Variants in CNTLN observed in about 807,000 individuals in gnomAD.
CNTLN encodes centlein, centrosomal protein.
Under a neutral mutation model 180.0 loss-of-function variants are expected in CNTLN, and 212 were observed. The observed-to-expected ratio is 1.18, with a 90% CI of 1.05 to 1.32. The LOEUF (loss-of-function observed/expected upper bound fraction) is 1.32. Ranked by LOEUF, CNTLN falls within the 40% of genes most tolerant of loss-of-function variation. CNTLN has a pLI of 0.00. For missense variants in CNTLN, 2,095 were observed against 1,610.9 expected, an observed-to-expected ratio of 1.30 and a Z score of -5.14; for synonymous variants, 722 against 563.1, an observed-to-expected ratio of 1.28 and a Z score of -3.99.
chr9:17,225,115 C>T (rs1051010451), intron 2 of CNTLN, among the ~76,000 whole-genome samples: 2 of 151,892 alleles, frequency 1.3e-5, no homozygotes, highest in African/African-American at 4.8e-5. Context: ...TGTTTTGGCT[C>T]AACTCTTGAT....
chr9:17,495,765 C>A (rs1833419460), intron 25 of CNTLN, among the ~76,000 whole-genome samples: 1 of 152,172 alleles, frequency 6.6e-6, no homozygotes, highest in African/African-American at 2.4e-5. Context: ...AGAGCAACTT[C>A]CAGTCCCACA....
intron 13 of CNTLN, among the ~76,000 whole-genome samples, chr9:17,387,253 AG>A (rs1439133583): frequency 6.6e-6 from 1 of 152,164 alleles, no homozygotes; most frequent in Admixed American, 6.5e-5. Flanking sequence ...ACAGCAGCCA[AG>A]CATACTTTAA....
At chr9:17,456,132 C>T (rs147120505) in intron 18 of CNTLN, among the ~76,000 whole-genome samples, 1 of 151,960 alleles carries the variant, frequency 6.6e-6, no homozygotes, top group African/African-American at 2.4e-5. Context: ...ATTTATAGAA[C>T]CTGACGATTG....
At chr9:17,297,679 A>G (rs12235811) in intron 6 of CNTLN, among the ~76,000 whole-genome samples, 9,134 of 152,296 alleles carry the variant, frequency 0.06, 367 homozygotes, top group South Asian at 0.13. Flanking sequence ...AGGAGTCACA[A>G]GTATCCCAGC....
In CNTLN at chr9:17,416,137, A is replaced by G. The variant is rs1268183988; in HGVS notation, c.3062A>G (p.His1021Arg). ...EYKEVNEKLL[H>R]QQQVSDQRFQ... ...AAAGAAGTTAATGAAAAGCTCCTCC[A>G]TCAACAGCAAGTATCCGATCAACGA... The change falls in exon 18 of 26, where the codon CAT (histidine) becomes CGT (arginine). Residue 1021 changes from histidine (H) to arginine (R), a missense_variant. His to Arg is a conservative substitution (Grantham distance 29). Transcript: ENST00000380647. 6.2e-7 allele frequency: 1 copy of G among 1,613,486 alleles called. No individual in the cohort carries two copies. The highest frequency in any genetic ancestry group is 1.3e-5 in the African/African-American group (1 of 74,914).
intron 6 of CNTLN, among the ~76,000 whole-genome samples, chr9:17,290,679 C>T (rs1038530170): frequency 3.8e-4 from 57 of 150,366 alleles, no homozygotes; most frequent in Non-Finnish European, 7.1e-4. Flanking sequence ...GGCGTAGGAC[C>T]CTCCGAGCCA....
chr9:17,189,030 CAGTTA>C (rs1434392400), intron 2 of CNTLN, among the ~76,000 whole-genome samples: 1 of 143,024 alleles, frequency 7.0e-6, no homozygotes, highest in Non-Finnish European at 1.5e-5. Context: ...TTCTTCCATG[CAGTTA>C]AGTTACTTGT....
chr9:17,221,795 C>T (rs1824154854), intron 2 of CNTLN, among the ~76,000 whole-genome samples: 1 of 152,032 alleles, frequency 6.6e-6, no homozygotes, highest in Non-Finnish European at 1.5e-5. Flanking sequence ...CTTCTTTTCC[C>T]ATTCTTACTT....
At chr9:17,482,696 A>G (rs1008310497) in intron 23 of CNTLN, among the ~76,000 whole-genome samples, 1 of 152,188 alleles carries the variant, frequency 6.6e-6, no homozygotes, top group African/African-American at 2.4e-5. Context: ...CAATGTTAAA[A>G]TGTGTTGTAA....
intron 3 of CNTLN, among the ~76,000 whole-genome samples, chr9:17,226,851 A>G (rs1215343737): frequency 6.6e-6 from 1 of 151,924 alleles, no homozygotes. Flanking sequence ...GACACTTCAT[A>G]TGGTTATAGC....
At chr9:17,312,369 T>TATATATATTATATATATATATATATATA (rs1819235636) in intron 8 of CNTLN, among the ~76,000 whole-genome samples, 1 of 34,378 alleles carries the variant, frequency 2.9e-5, no homozygotes, top group Admixed American at 3.6e-4. Context: ...ATATATTATA[T>TATATATATTATATATATATATATATATA]ATATATATAT....
At chr9:17,330,588 A>T (rs1269436933) in intron 8 of CNTLN, 44 bp from the exon 9 acceptor site, 1 of 1,037,826 alleles carries the variant, frequency 9.6e-7, no homozygotes, top group African/African-American at 1.6e-5. Context: ...ATAATGTAAG[A>T]TACAAACATA....
chr9:17,439,879 A>G (rs550400368), intron 18 of CNTLN, among the ~76,000 whole-genome samples: 2 of 152,342 alleles, frequency 1.3e-5, no homozygotes, highest in East Asian at 1.9e-4. Context: ...CAGACACCAG[A>G]TCTATCCACA....
intron 25 of CNTLN, among the ~76,000 whole-genome samples, chr9:17,497,848 T>C (rs563523966): frequency 1.4e-4 from 22 of 152,246 alleles, no homozygotes; most frequent in African/African-American, 5.3e-4. Context: ...GATAACAGAG[T>C]GGATGCTAAC....
chr9:17,441,251 C>A (rs1035359508), intron 18 of CNTLN, among the ~76,000 whole-genome samples: 3 of 151,936 alleles, frequency 2.0e-5, no homozygotes, highest in Non-Finnish European at 4.4e-5. Context: ...TGCTAAACAG[C>A]AATACTTAAA....
chr9:17,412,244 G>A (rs1000589432), intron 16 of CNTLN, among the ~76,000 whole-genome samples: 2 of 152,176 alleles, frequency 1.3e-5, no homozygotes, highest in Non-Finnish European at 2.9e-5. Context: ...CCCCATCAGT[G>A]TGGTGTCAGA....
rs888039374 is a variant in CNTLN, at chr9:17,326,221, C to G, written c.1342-4411C>G. The stretch of plus-strand genomic sequence containing the variant: ...AGTCAGTCCACGAATCATTTTTCTT[C>G]AGATTAATTATAGTATAGCACTATA... On this transcript the variant is annotated intron_variant, in intron 8 of 25. Coordinates refer to ENST00000380647, the MANE Select transcript of CNTLN (RefSeq NM_017738.4). Among the ~76,000 whole-genome samples the G allele has an allele frequency of 3.9e-5, 6 of 152,006 alleles. No homozygotes were observed. The East Asian group carries it at 1.2e-3, about 29-fold the overall frequency.
intron 12 of CNTLN, among the ~76,000 whole-genome samples, chr9:17,357,543 A>C (rs1453167252): frequency 6.7e-6 from 1 of 148,192 alleles, no homozygotes; most frequent in African/African-American, 2.4e-5. Flanking sequence ...GTTTGTTTCC[A>C]CATATTTTGG....
intron 6 of CNTLN, among the ~76,000 whole-genome samples, chr9:17,294,927 A>AG (rs1301694561): frequency 4.0e-3 from 13 of 3,288 alleles, no homozygotes; most frequent in Middle Eastern, 0.071. Context: ...GAGTGGGGGG[A>AG]GGGCGGGGGA....
Sources: allele counts gnomAD v4.1 joint callset (sites outside exome capture counted in the v4.1 genomes callset), GRCh38; gene constraint gnomAD v4.1.1; transcripts MANE v1.5; gene names NCBI Gene and HGNC (gene_info 2026-07-23, HGNC 2026-07-21).